The following METTL13 variants were observed in gnomAD, a reference collection of about 807,000 sequenced individuals.
The protein encoded by METTL13 is eEF1A lysine and N-terminal methyltransferase.
In METTL13, 52 loss-of-function variants were observed where a neutral mutation model predicts 67.4. That is an observed-to-expected ratio of 0.77 (90% CI 0.62 to 0.97). METTL13 has a LOEUF of 0.97. METTL13 is among the 50% of genes least tolerant of loss of function. The probability of loss-of-function intolerance (pLI) is 0.00; values close to 1 mark genes in which losing one functional copy is unlikely to be tolerated. For missense variants in METTL13, 825 were observed against 889.6 expected, an observed-to-expected ratio of 0.93 and a Z score of 0.92; for synonymous variants, 354 against 353.6, an observed-to-expected ratio of 1.00 and a Z score of -0.01.
chr1:171,797,024 C>CA lies in METTL13; in HGVS notation c.*268_*269insA. 1 of 445,050 alleles carries CA rather than the reference C, an allele frequency of 2.2e-6. No homozygotes were observed. The highest frequency in any genetic ancestry group is 4.1e-6 in the Non-Finnish European group (1 of 241,418). 27.6% of individuals were successfully genotyped at this position (445,050 alleles called of 1,614,324 possible). ...CTTGAGTGGAGTTCCCTGCTGAAGCCCCTAGCACACACTGCATGCCTTAAC... is the reference window on the plus strand; with the variant it reads ...CTTGAGTGGAGTTCCCTGCTGAAGCCACCTAGCACACACTGCATGCCTTAAC... On this transcript the variant is annotated 3_prime_UTR_variant, in exon 8 of 8. Coordinates refer to ENST00000361735, the MANE Select transcript of METTL13 (RefSeq NM_015935.5).
At chr1:171,794,638 A>T in intron 7 of METTL13, 111 bp downstream of exon 7, 3 of 1,464,242 alleles carry the variant, frequency 2.0e-6, no homozygotes, top group South Asian at 1.3e-5. Context: ...TTCCAAATTT[A>T]ATACACCCAT....
chr1:171,791,951 C>T, intron 5 of METTL13, 66 bp from the exon 6 acceptor site: 1 of 1,563,098 alleles, frequency 6.4e-7, no homozygotes, highest in Non-Finnish European at 8.8e-7. Context: ...TTTTGCCTTC[C>T]CTGAGGCTGG....
intron 7 of METTL13, among the ~76,000 whole-genome samples, chr1:171,795,473 T>C (rs139624208): frequency 2.0e-5 from 3 of 152,324 alleles, no homozygotes; most frequent in African/African-American, 7.2e-5. Flanking sequence ...CAGTTCACAC[T>C]CCCACCAGCA....
intron 1 of METTL13, 80 bp downstream of exon 1, chr1:171,782,200 C>A: frequency 1.6e-6 from 2 of 1,254,304 alleles, no homozygotes; most frequent in Middle Eastern, 2.3e-4. Flanking sequence ...ACTTGGTGGA[C>A]AGTGACAGGC....
At chr1:171,788,046 T>A in intron 4 of METTL13, 116 bp downstream of exon 4, 1 of 976,368 alleles carries the variant, frequency 1.0e-6, no homozygotes, top group Non-Finnish European at 1.6e-6. Flanking sequence ...CTTAACCATC[T>A]GGACTCTTAG....
At position 171,787,761 on chromosome 1, in the gene METTL13, C is replaced by G. The variant is rs1657067685; in HGVS notation, c.1140C>G (p.Asp380Glu). Residue 380 changes from aspartate (D) to glutamate (E), a missense_variant, in exon 4 of 8, where the codon GAC (aspartate) becomes GAG (glutamate). Physicochemically the swap from Asp to Glu is conservative, Grantham distance 45. Transcript: ENST00000361735. ...TCCCCTTTCTGTCTGTGGGTGGGGA[C>G]ATTGGGGTCCGGACCGTTCAGCACC... ...QQVPFLSVGG[D>E]IGVRTVQHQD... 1 of 1,613,852 alleles carries G rather than the reference C, an allele frequency of 6.2e-7. No individual in the cohort carries two copies. Among genetic ancestry groups the G allele is most frequent in the African/African-American group, 1.3e-5 (1 of 75,020 alleles).
intron 6 of METTL13, among the ~76,000 whole-genome samples, chr1:171,793,655 A>T (rs765507425): frequency 2.0e-5 from 3 of 152,226 alleles, no homozygotes; most frequent in Non-Finnish European, 2.9e-5. Context: ...TTGCAGACCT[A>T]CCCCTTATAA....
chr1:171,787,685 ATTTC>A, intron 3 of METTL13, 46 bp from the exon 4 acceptor site: 2 of 1,546,746 alleles, frequency 1.3e-6, no homozygotes, highest in Non-Finnish European at 1.8e-6. Context: ...AATTTCTCTT[ATTTC>A]TTAAATGAGC....
chr1:171,794,486 A>G lies in METTL13; in HGVS notation c.1784A>G (p.Gln595Arg). ...TGTCCGCCCCCAGCATTTGTGGAGCAATCTTTTCTACAGAAGGTTAAAAGC... is the reference window on the plus strand; with the variant it reads ...TGTCCGCCCCCAGCATTTGTGGAGCGATCTTTTCTACAGAAGGTTAAAAGC... ...MSCPPPAFVE[Q>R]SFLQKVKSIL... The change falls in exon 7 of 8, where the codon CAA becomes CGA. Residue 595 changes from glutamine to arginine, a missense_variant. Physicochemically the swap from Gln to Arg is conservative, Grantham distance 43. Coordinates refer to ENST00000361735, the MANE Select transcript of METTL13 (RefSeq NM_015935.5). The G allele has an allele frequency of 6.2e-7, 1 of 1,614,234 alleles. No individual in the cohort carries two copies. The highest frequency in any genetic ancestry group is 8.5e-7 in the Non-Finnish European group (1 of 1,180,030).
intron 3 of METTL13, 48 bp from the exon 4 acceptor site, chr1:171,787,687 T>A: frequency 6.4e-7 from 1 of 1,554,230 alleles, no homozygotes; most frequent in Non-Finnish European, 8.8e-7. Flanking sequence ...TTTCTCTTAT[T>A]TCTTAAATGA....
At chr1:171,789,116 A>T (rs995844085) in intron 4 of METTL13, among the ~76,000 whole-genome samples, 3 of 152,156 alleles carry the variant, frequency 2.0e-5, no homozygotes, top group African/African-American at 7.2e-5. Flanking sequence ...AGGTTTTTTC[A>T]CCATTGTCAT....
In METTL13 at chr1:171,794,530, A is replaced by G; in HGVS notation, c.1825+3A>G. On this transcript the variant is annotated splice_donor_region_variant and intron_variant, in intron 7 of 7. Coordinates refer to ENST00000361735, the MANE Select transcript of METTL13 (RefSeq NM_015935.5). Reference sequence around the variant, plus strand: ...TAAAAGCATCTTGACTCCTGAAGGTATGGAGAACAAAAGGTGGGAGAGGGA... The same window carrying G: ...TAAAAGCATCTTGACTCCTGAAGGTGTGGAGAACAAAAGGTGGGAGAGGGA... 1.9e-6 allele frequency: 3 copies of G among 1,614,204 alleles called. No homozygotes were observed. Among genetic ancestry groups the G allele is most frequent in the Non-Finnish European group, 2.5e-6 (3 of 1,180,012 alleles).
chr1:171,786,117 G>A, intron 3 of METTL13, 39 bp downstream of exon 3: 1 of 1,579,486 alleles, frequency 6.3e-7, no homozygotes, highest in Non-Finnish European at 8.6e-7. Flanking sequence ...GGTCTCTGAA[G>A]TCATGTTAGC....
At chr1:171,793,440 A>C (rs1011144982) in intron 6 of METTL13, among the ~76,000 whole-genome samples, 2 of 152,226 alleles carry the variant, frequency 1.3e-5, no homozygotes, top group Non-Finnish European at 2.9e-5. Context: ...AAAATGTTTC[A>C]GATTACTGGA....
chr1:171,792,340 A>G, intron 6 of METTL13, 105 bp downstream of exon 6: 2 of 1,258,740 alleles, frequency 1.6e-6, no homozygotes, highest in Non-Finnish European at 2.2e-6. Context: ...TGGCATGAGT[A>G]TCGTTCCAGT....
intron 5 of METTL13, among the ~76,000 whole-genome samples, chr1:171,791,544 C>T (rs1657205750): frequency 1.3e-5 from 2 of 152,064 alleles, no homozygotes; most frequent in Non-Finnish European, 2.9e-5. Context: ...GGTATGATCG[C>T]AGCTTACTGC....
chr1:171,790,553 T>A lies in METTL13; in HGVS notation c.1411T>A (p.Cys471Ser), dbSNP rs1657171003. ...GTCCATTGATAAGAGTTACCTGTGT[T>A]GTGAACACCACAAAGCCATGATCGC... ...GQSIDKSYLC[C>S]EHHKAMIAGL... Residue 471 changes from cysteine to serine, a missense_variant, in exon 5 of 8, where the codon TGT (cysteine) becomes AGT (serine). Cys to Ser is a moderately radical substitution (Grantham distance 112). Coordinates refer to ENST00000361735, the MANE Select transcript of METTL13 (RefSeq NM_015935.5). 1.2e-6 allele frequency: 2 copies of A among 1,612,330 alleles called. No homozygotes were observed. The highest frequency in any genetic ancestry group is 1.7e-6 in the Non-Finnish European group (2 of 1,179,556).
intron 1 of METTL13, among the ~76,000 whole-genome samples, chr1:171,782,578 C>A (rs1335028089): frequency 2.5e-4 from 30 of 118,692 alleles, no homozygotes; most frequent in African/African-American, 9.0e-4. Flanking sequence ...AAAAAAAAAA[C>A]ATTTCTTTAA....
chr1:171,792,315 TTATCTC>T (rs1280818693), intron 6 of METTL13, 80 bp downstream of exon 6: 9 of 1,517,632 alleles, frequency 5.9e-6, no homozygotes, highest in Non-Finnish European at 5.4e-6. Context: ...CCTCTACAGT[TTATCTC>T]TAAGAGAGTG....
Sources: gnomAD v4.1 joint callset for allele counts (sites outside exome capture counted in the v4.1 genomes callset) on GRCh38, gnomAD v4.1.1 for gene constraint, MANE v1.5 for transcripts, NCBI Gene and HGNC (gene_info 2026-07-23, HGNC 2026-07-21) for gene names.